The following MGAT4C variants were observed in gnomAD, a reference collection of about 807,000 sequenced individuals.
MGAT4C encodes the protein MGAT4 family member C.
Under a neutral mutation model 40.1 loss-of-function variants are expected in MGAT4C, and 19 were observed. That is an observed-to-expected ratio of 0.47 (90% CI 0.33 to 0.70). The LOEUF is 0.70. Ranked by LOEUF, MGAT4C falls within the 30% of genes least tolerant of loss-of-function variation. The pLI is 0.02. For synonymous variants in MGAT4C, 181 were observed against 187.1 expected (o/e 0.97, Z 0.27); for missense variants, 491 against 563.2 (o/e 0.87, Z 1.30).
At chr12:85,999,823 G>T (rs1439092573) in intron 2 of MGAT4C, among the ~76,000 whole-genome samples, 1 of 152,050 alleles carries the variant, frequency 6.6e-6, no homozygotes, top group Admixed American at 6.6e-5. Flanking sequence ...TAAAAAAGTT[G>T]AACTCGTAAA....
chr12:86,581,388 G>C (rs552937130), intron 2 of MGAT4C, among the ~76,000 whole-genome samples: 1 of 151,350 alleles, frequency 6.6e-6, no homozygotes, highest in Non-Finnish European at 1.5e-5. Flanking sequence ...TGAATATTAG[G>C]CCAAAAGACC....
At chr12:86,483,526 T>C (rs1197755073) in intron 2 of MGAT4C, among the ~76,000 whole-genome samples, 1 of 151,824 alleles carries the variant, frequency 6.6e-6, no homozygotes, top group Non-Finnish European at 1.5e-5. Context: ...GAGTGCAAAT[T>C]ATTGGAAGTA....
At chr12:86,760,210 T>G (rs907765930) in intron 1 of MGAT4C, among the ~76,000 whole-genome samples, 1 of 152,026 alleles carries the variant, frequency 6.6e-6, no homozygotes, top group Non-Finnish European at 1.5e-5. Flanking sequence ...GAAAACTGTA[T>G]ATACACAGCA....
chr12:86,792,760 C>A (rs758465395), intron 1 of MGAT4C, among the ~76,000 whole-genome samples: 2 of 151,942 alleles, frequency 1.3e-5, no homozygotes, highest in African/African-American at 2.4e-5. Context: ...GGTGAAACCC[C>A]ATTTCCACTA....
intron 2 of MGAT4C, among the ~76,000 whole-genome samples, chr12:86,654,274 G>C (rs1386680821): frequency 6.6e-6 from 1 of 151,488 alleles, no homozygotes; most frequent in Admixed American, 6.6e-5. Context: ...ACAAATTATA[G>C]CTAATGTGAG....
intron 1 of MGAT4C, among the ~76,000 whole-genome samples, chr12:86,174,317 A>G (rs1887170757): frequency 6.6e-6 from 1 of 152,066 alleles, no homozygotes; most frequent in African/African-American, 2.4e-5. Context: ...TTAAGGACTC[A>G]GAAGCAGAAA....
At chr12:86,593,385 T>C (rs1428909355) in intron 2 of MGAT4C, among the ~76,000 whole-genome samples, 1 of 152,114 alleles carries the variant, frequency 6.6e-6, no homozygotes, top group African/African-American at 2.4e-5. Context: ...ATTTCTGCTC[T>C]AATTTTCAAT....
At chr12:86,227,412 T>C (rs952372338) in intron 1 of MGAT4C, among the ~76,000 whole-genome samples, 2 of 151,890 alleles carry the variant, frequency 1.3e-5, no homozygotes, top group East Asian at 1.9e-4. Context: ...CTGTATTGGT[T>C]TCACTACATA....
At chr12:86,121,448 A>C (rs563316159) in intron 1 of MGAT4C, among the ~76,000 whole-genome samples, 4 of 152,302 alleles carry the variant, frequency 2.6e-5, no homozygotes, top group Admixed American at 2.6e-4. Context: ...TAATTGTCAG[A>C]TTCACCAAAG....
chr12:86,663,983 C>T (rs1047536744), intron 2 of MGAT4C, among the ~76,000 whole-genome samples: 3 of 152,150 alleles, frequency 2.0e-5, no homozygotes, highest in African/African-American at 7.2e-5. Flanking sequence ...TTTTTCACAG[C>T]TGTCATTAGT....
At chr12:86,233,058 C>T (rs895606087) in intron 1 of MGAT4C, among the ~76,000 whole-genome samples, 16 of 152,126 alleles carry the variant, frequency 1.1e-4, no homozygotes, top group African/African-American at 2.7e-4. Context: ...GGCAGGTAAT[C>T]GCTGAGGCAG....
At chr12:86,319,161 T>C (rs1353324304) in intron 4 of MGAT4C, among the ~76,000 whole-genome samples, 1 of 152,170 alleles carries the variant, frequency 6.6e-6, no homozygotes, top group African/African-American at 2.4e-5. Flanking sequence ...ATCATATCTA[T>C]GAAGGAAGAA....
chr12:86,058,681 T>C (rs1893639072), intron 1 of MGAT4C, among the ~76,000 whole-genome samples: 1 of 152,142 alleles, frequency 6.6e-6, no homozygotes, highest in Non-Finnish European at 1.5e-5. Context: ...AATTAATTCA[T>C]GGTATATAGT....
At chr12:86,375,882 A>G (rs1215657169) in intron 3 of MGAT4C, among the ~76,000 whole-genome samples, 1 of 152,150 alleles carries the variant, frequency 6.6e-6, no homozygotes, top group African/African-American at 2.4e-5. Context: ...GAGAGACTAT[A>G]CAACGCATAA....
rs1883086750 is a variant in MGAT4C, at chr12:85,961,055, C to T, written c.*18234G>A. The T allele has an allele frequency of 6.6e-6, 1 of 151,934 alleles. No individual in the cohort carries two copies. Among genetic ancestry groups the T allele is most frequent in the East Asian group, 1.9e-4 (1 of 5,184 alleles). 9.4% of individuals were successfully genotyped at this position (151,934 alleles called of 1,614,324 possible). ...ACTATAAATTTGAAAACAATATTCT[C>T]CTTGTAATATATGTGCCACCAGGGC... On this transcript the variant is annotated 3_prime_UTR_variant, in exon 5 of 5. Coordinates refer to ENST00000611864, the MANE Select transcript of MGAT4C (RefSeq NM_001351288.2).
At chr12:86,795,851 T>A (rs1198096023) in intron 1 of MGAT4C, among the ~76,000 whole-genome samples, 2 of 152,006 alleles carry the variant, frequency 1.3e-5, no homozygotes, top group African/African-American at 4.8e-5. Flanking sequence ...AGATTTTGAA[T>A]CCTACTGCTT....
chr12:86,375,199 C>T (rs1258877936), intron 3 of MGAT4C, among the ~76,000 whole-genome samples: 1 of 152,040 alleles, frequency 6.6e-6, no homozygotes, highest in East Asian at 1.9e-4. Context: ...AGCAGTTTTG[C>T]ATCTTGAAAG....
chr12:86,419,662 G>C (rs17014005), intron 3 of MGAT4C, among the ~76,000 whole-genome samples: 3 of 152,018 alleles, frequency 2.0e-5, no homozygotes, highest in African/African-American at 4.8e-5. Flanking sequence ...TAATATTTTG[G>C]TACTCAAGTG....
intron 2 of MGAT4C, among the ~76,000 whole-genome samples, chr12:86,657,725 G>T (rs2217233): frequency 0.13 from 19,736 of 151,682 alleles, 1,989 homozygotes; most frequent in African/African-American, 0.28. Flanking sequence ...ATATGCTGGA[G>T]GATTTTATTA....
Sources: gnomAD v4.1 joint callset for allele counts (sites outside exome capture counted in the v4.1 genomes callset) on GRCh38, gnomAD v4.1.1 for gene constraint, MANE v1.5 for transcripts, NCBI Gene and HGNC (gene_info 2026-07-23, HGNC 2026-07-21) for gene names.